KDR: variants seen among roughly 807,000 people sequenced by gnomAD.
The protein encoded by KDR is vascular endothelial growth factor receptor 2.
KDR carries 43 observed loss-of-function variants against 160.9 expected under a neutral mutation model. That is an observed-to-expected ratio of 0.27 (90% CI 0.21 to 0.34). KDR has a LOEUF of 0.34. Among genes scored for constraint, KDR ranks in the 10% least tolerant of loss-of-function variants. The pLI is 1.00. For missense variants in KDR, 1,469 were observed against 1,666.4 expected, an observed-to-expected ratio of 0.88 and a Z score of 2.06; for synonymous variants, 617 against 600.1, an observed-to-expected ratio of 1.03 and a Z score of -0.41.
intron 13 of KDR, among the ~76,000 whole-genome samples, chr4:55,104,311 A>G (rs1009062014): frequency 6.6e-6 from 1 of 151,814 alleles, no homozygotes; most frequent in Non-Finnish European, 1.5e-5. Context: ...AATTTCTGAC[A>G]CTCTCCTAGC....
chr4:55,113,714 A>T (rs1720656246), intron 6 of KDR, among the ~76,000 whole-genome samples: 1 of 152,238 alleles, frequency 6.6e-6, no homozygotes, highest in Admixed American at 6.5e-5. Flanking sequence ...AGTGAGATGG[A>T]TATAAACTGC....
At chr4:55,085,584 G>A (rs777729899) in intron 27 of KDR, among the ~76,000 whole-genome samples, 1 of 152,158 alleles carries the variant, frequency 6.6e-6, no homozygotes, top group Non-Finnish European at 1.5e-5. Context: ...GCCTCTATCT[G>A]CTTTTCTTCA....
intron 7 of KDR, among the ~76,000 whole-genome samples, chr4:55,111,697 G>A (rs369938860): frequency 2.1e-4 from 32 of 152,298 alleles, no homozygotes; most frequent in African/African-American, 7.2e-4. Context: ...TTTGACAAGT[G>A]CATCTTGGCA....
At chr4:55,092,506 A>C in intron 22 of KDR, 111 bp downstream of exon 22, 1 of 792,748 alleles carries the variant, frequency 1.3e-6, no homozygotes, top group Non-Finnish European at 2.2e-6. Context: ...AAAGACGTAG[A>C]AGTGGTGAAT....
intron 9 of KDR, 144 bp from the exon 10 acceptor site, chr4:55,108,037 CAA>C (rs1720486804): frequency 2.4e-6 from 2 of 843,788 alleles, no homozygotes; most frequent in Admixed American, 4.0e-5. Context: ...GATGTGGAAA[CAA>C]GAGACCTGAG....
At position 55,094,860 on chromosome 4, in the gene KDR, G is replaced by A. The variant is rs2110015145; in HGVS notation, c.2913C>T (p.Ser971=). Residue 971 remains serine (S), a synonymous_variant, in exon 21 of 30, where the codon AGC becomes AGT. Transcript: ENST00000263923. ...CCTCCACAAATCCAGAGCTGGCTGAGCTCTGGCTACTGGTGATGCTGTCCA... is the reference window on the plus strand; with the variant it reads ...CCTCCACAAATCCAGAGCTGGCTGAACTCTGGCTACTGGTGATGCTGTCCA... ...RRLDSITSSQ[S]SASSGFVEEK... 1 of 1,613,932 alleles carries A rather than the reference G, an allele frequency of 6.2e-7. No homozygotes were observed. Among genetic ancestry groups the A allele is most frequent in the African/African-American group, 1.3e-5 (1 of 75,038 alleles).
At chr4:55,100,342 G>C (rs934543044) in intron 15 of KDR, among the ~76,000 whole-genome samples, 7 of 152,172 alleles carry the variant, frequency 4.6e-5, no homozygotes, top group African/African-American at 1.7e-4. Flanking sequence ...TAAAAGTCCA[G>C]TTGAACATAG....
intron 7 of KDR, among the ~76,000 whole-genome samples, chr4:55,112,891 A>G (rs1276646400): frequency 3.9e-5 from 6 of 152,138 alleles, no homozygotes; most frequent in African/African-American, 7.2e-5. Flanking sequence ...AGTTCCCCCA[A>G]TCCCTGAGTT....
chr4:55,123,698 G>A lies in KDR; in HGVS notation c.67+1529C>T, dbSNP rs1350177909. Among the ~76,000 whole-genome samples the A allele has an allele frequency of 2.6e-5, 4 of 152,252 alleles. No individual in the cohort carries two copies. The South Asian group carries it at 8.3e-4, about 32-fold the overall frequency. On this transcript the variant is annotated intron_variant, in intron 1 of 29. Coordinates refer to ENST00000263923, the MANE Select transcript of KDR (RefSeq NM_002253.4). The stretch of plus-strand genomic sequence containing the variant: ...AAGTTCTAAAGAAATAACTGTAAGA[G>A]GTACACATGCTACTACTCAATAAAA...
chr4:55,092,482 G>A lies in KDR; in HGVS notation c.3069+135C>T, dbSNP rs148855148. 1.9e-4 allele frequency: 138 copies of A among 723,522 alleles called. 1 individual carries two copies. Among genetic ancestry groups the A allele is most frequent in the African/African-American group, 1.7e-3 (96 of 57,360 alleles). 44.8% of individuals were successfully genotyped at this position (723,522 alleles called of 1,614,324 possible). A position where few individuals can be genotyped will look rare whatever the true frequency, so the allele number is the denominator to read the frequency against. On this transcript the variant is annotated intron_variant, in intron 22 of 29. Transcript: ENST00000263923. ...ACTCAGCAGAAACAGAGCCTCCCCA[G>A]TAGAGCTCTTCTAAAAGACGTAGAA...
At position 55,106,733 on chromosome 4, in the gene KDR, A is replaced by G. The variant is rs765732771; in HGVS notation, c.1490T>C (p.Ile497Thr). Residue 497 changes from isoleucine (I) to threonine (T), a missense_variant, in exon 11 of 30, where the codon ATT becomes ACT. Around this residue, in one of 7 missense-constraint regions of KDR, gnomAD observed 792 missense variants for 840.9 expected, o/e 0.94. Coordinates refer to ENST00000263923, the MANE Select transcript of KDR (RefSeq NM_002253.4). ...SVEDFQGGNKIEVNKNQFALI... is the reference protein window; with the variant it reads ...SVEDFQGGNKTEVNKNQFALI... The stretch of plus-strand genomic sequence containing the variant: ...AGCAAATTGATTTTTATTAACTTCA[A>G]TTTTATTTCCTCCCTGGAAGTCCTC... The G allele has an allele frequency of 3.8e-6, 6 of 1,588,232 alleles. No individual in the cohort carries two copies. Among genetic ancestry groups the G allele is most frequent in the Admixed American group, 1.7e-5 (1 of 59,918 alleles).
chr4:55,105,816 A>C lies in KDR; in HGVS notation c.1645+16T>G. 1 of 1,493,850 alleles carries C rather than the reference A, an allele frequency of 6.7e-7. No homozygotes were observed. The highest frequency in any genetic ancestry group is 9.3e-7 in the Non-Finnish European group (1 of 1,070,158). 92.5% of individuals were successfully genotyped at this position (1,493,850 alleles called of 1,614,324 possible). ...TGTGAGTGATCCAACCCAAACCTCC[A>C]GAGAAGAGTACTTACTGGTCACGTG... On this transcript the variant is annotated intron_variant, in intron 12 of 29. Coordinates refer to ENST00000263923, the MANE Select transcript of KDR (RefSeq NM_002253.4).
chr4:55,116,610 A>G (rs1720741599), intron 3 of KDR, among the ~76,000 whole-genome samples: 1 of 152,126 alleles, frequency 6.6e-6, no homozygotes, highest in Admixed American at 6.6e-5. Context: ...AGAGTGCTTC[A>G]TAATAGTCAG....
chr4:55,085,618 C>T (rs536013841), intron 27 of KDR, among the ~76,000 whole-genome samples: 6 of 152,182 alleles, frequency 3.9e-5, no homozygotes, highest in South Asian at 4.2e-4. Context: ...AAAATGTGAC[C>T]GTGAGTTTTA....
At chr4:55,113,087 C>T (rs1395536710) in intron 7 of KDR, among the ~76,000 whole-genome samples, 1 of 152,212 alleles carries the variant, frequency 6.6e-6, no homozygotes. Flanking sequence ...TGAACTCTTA[C>T]TGTATATCAG....
intron 1 of KDR, among the ~76,000 whole-genome samples, chr4:55,124,648 T>A (rs1225787690): frequency 6.6e-6 from 1 of 151,154 alleles, no homozygotes; most frequent in African/African-American, 2.4e-5. Context: ...GAGAGCGGCG[T>A]CCTGCACCAA....
chr4:55,116,670 T>C (rs970753056), intron 3 of KDR, among the ~76,000 whole-genome samples: 1 of 152,104 alleles, frequency 6.6e-6, no homozygotes, highest in African/African-American at 2.4e-5. Flanking sequence ...AGGCAGCTAA[T>C]TCCCTGCAAC....
chr4:55,089,549 A>G (rs1578128160), intron 24 of KDR, 76 bp from the exon 25 acceptor site: 1 of 1,350,218 alleles, frequency 7.4e-7, no homozygotes, highest in East Asian at 2.3e-5. Context: ...AATCTTGCAC[A>G]TCCTCATCAC....
rs750938539 is a variant in KDR at position 55,097,642 on chromosome 4, C to T, written c.2614+20G>A. ...CTAGATAAAACAGAAAGATAGATCA[C>T]CACATAATTTTGCTTTTACCTTTCA... On this transcript the variant is annotated intron_variant, in intron 18 of 29. Transcript: ENST00000263923. 1.4e-6 allele frequency: 2 copies of T among 1,441,008 alleles called. No individual in the cohort carries two copies. Among genetic ancestry groups the T allele is most frequent in the Non-Finnish European group, 2.0e-6 (2 of 1,022,508 alleles). The allele number at this position is 1,441,008 out of a possible 1,614,324, so 89.3% of individuals were successfully genotyped here.
Sources: gnomAD v4.1 joint callset for allele counts (sites outside exome capture counted in the v4.1 genomes callset) on GRCh38, gnomAD v4.1.1 for gene constraint, gnomAD v4.1.1 regional missense constraint, MANE v1.5 for transcripts, NCBI Gene and HGNC (gene_info 2026-07-23, HGNC 2026-07-21) for gene names.